The following PARD3B variants were observed in gnomAD, a reference collection of about 807,000 sequenced individuals.
PARD3B encodes par-3 family cell polarity regulator beta.
PARD3B carries 103 observed loss-of-function variants against 130.2 expected under a neutral mutation model. That is an observed-to-expected ratio of 0.79 (90% CI 0.67 to 0.93). The LOEUF (loss-of-function observed/expected upper bound fraction) is 0.93, where lower values mean the gene tolerates loss of function less well. Ranked by LOEUF, PARD3B falls within the 40% of genes least tolerant of loss-of-function variation. PARD3B has a pLI of 0.00. For synonymous variants in PARD3B, 583 were observed against 553.2 expected (o/e 1.05, Z -0.76); for missense variants, 1,609 against 1,499.2 (o/e 1.07, Z -1.21).
chr2:204,801,693 T>C (rs2042576301), intron 2 of PARD3B, among the ~76,000 whole-genome samples: 2 of 152,222 alleles, frequency 1.3e-5, no homozygotes, highest in Admixed American at 1.3e-4. Flanking sequence ...TGAATACCCT[T>C]TATTTCTTTC....
intron 21 of PARD3B, among the ~76,000 whole-genome samples, chr2:205,552,312 G>A (rs2052681906): frequency 8.5e-6 from 1 of 117,682 alleles, no homozygotes; most frequent in Non-Finnish European, 1.8e-5. Context: ...AGGGTGGTCG[G>A]GGGGCATCAT....
At chr2:204,560,566 G>A (rs1276027269) in intron 1 of PARD3B, among the ~76,000 whole-genome samples, 8 of 151,886 alleles carry the variant, frequency 5.3e-5, no homozygotes, top group Non-Finnish European at 1.0e-4. Flanking sequence ...TGGAAGATGG[G>A]GCAGGACATG....
At chr2:205,472,289 A>G (rs971021206) in intron 20 of PARD3B, among the ~76,000 whole-genome samples, 1 of 152,138 alleles carries the variant, frequency 6.6e-6, no homozygotes, top group African/African-American at 2.4e-5. Context: ...TGACACACAC[A>G]TGTGCACACA....
At chr2:204,846,170 A>G (rs1383470698) in intron 2 of PARD3B, among the ~76,000 whole-genome samples, 2 of 152,122 alleles carry the variant, frequency 1.3e-5, no homozygotes, top group Admixed American at 1.3e-4. Flanking sequence ...ACTGTCTAGG[A>G]ATTGGTAATT....
In PARD3B at chr2:205,280,133, CAT is replaced by C. The variant is rs1487038387; in HGVS notation, c.2186-20395_2186-20394del. On this transcript the variant is annotated intron_variant, in intron 16 of 22. Coordinates refer to ENST00000406610, the MANE Select transcript of PARD3B (RefSeq NM_001302769.2). The surrounding 1 kb of genome is among the most constrained non-coding windows in gnomAD (Gnocchi z 4.7). ...AGGAATAGCAGTTGCCATTCTCTGA[CAT>C]AAATAGCTCTCATATAATACCTTTC... Among the ~76,000 whole-genome samples the C allele has an allele frequency of 6.6e-6, 1 of 152,156 alleles. No individual in the cohort carries two copies. The highest frequency in any genetic ancestry group is 1.5e-5 in the Non-Finnish European group (1 of 68,032).
At chr2:205,113,620 C>T (rs1340134849) in intron 6 of PARD3B, 43 bp downstream of exon 6, 1 of 1,207,254 alleles carries the variant, frequency 8.3e-7, no homozygotes, top group Non-Finnish European at 1.2e-6. Context: ...CTAATGAAAA[C>T]CCTGATTTGA....
chr2:204,843,332 A>G (rs2044324757), intron 2 of PARD3B, among the ~76,000 whole-genome samples: 1 of 152,072 alleles, frequency 6.6e-6, no homozygotes, highest in South Asian at 2.1e-4. Flanking sequence ...TGGTATATCT[A>G]TGCTGCATAA....
chr2:205,586,859 A>T (rs1301376348), intron 22 of PARD3B, among the ~76,000 whole-genome samples: 1 of 152,106 alleles, frequency 6.6e-6, no homozygotes, highest in Non-Finnish European at 1.5e-5. Context: ...ACATCCCTGT[A>T]GTTATTTTTT....
At chr2:205,054,354 C>T (rs1173149076) in intron 4 of PARD3B, among the ~76,000 whole-genome samples, 3 of 135,576 alleles carry the variant, frequency 2.2e-5, no homozygotes, top group Non-Finnish European at 4.6e-5. Context: ...AAAGAAGGAT[C>T]ACTATTTAGG....
In PARD3B at chr2:205,011,795, G is replaced by GTT. The variant is rs376303989; in HGVS notation, c.395-35775_395-35774dup. The stretch of plus-strand genomic sequence containing the variant: ...ATTTGACTCTTCCTTAGTTTTCTGG[G>GTT]TTTTTTTTTTTTACAACCATGCATC... On this transcript the variant is annotated intron_variant, in intron 3 of 22. Transcript: ENST00000406610. This position sits in a 1 kb window ranked among gnomAD's most constrained non-coding sequence, Gnocchi z 4.1. Among the ~76,000 whole-genome samples, 1 of 145,386 alleles carries GTT rather than the reference G, an allele frequency of 6.9e-6. No homozygotes were observed. Among genetic ancestry groups the GTT allele is most frequent in the East Asian group, 2.0e-4 (1 of 5,014 alleles).
intron 15 of PARD3B, among the ~76,000 whole-genome samples, chr2:205,197,976 G>A (rs185161463): frequency 2.8e-4 from 42 of 152,288 alleles, no homozygotes; most frequent in African/African-American, 9.4e-4. Flanking sequence ...TACATTCAAA[G>A]ACTTTTTGAT....
chr2:205,125,971 T>G lies in PARD3B; in HGVS notation c.1434+234T>G, dbSNP rs2031344182. Among the ~76,000 whole-genome samples, 1 of 152,152 alleles carries G rather than the reference T, an allele frequency of 6.6e-6. No homozygotes were observed. Among genetic ancestry groups the G allele is most frequent in the African/African-American group, 2.4e-5 (1 of 41,432 alleles). On this transcript the variant is annotated intron_variant, in intron 10 of 22. Transcript: ENST00000406610. The surrounding 1 kb of genome is among the most constrained non-coding windows in gnomAD (Gnocchi z 4.0). The stretch of plus-strand genomic sequence containing the variant: ...GCACAGATTCAAACACCTTTAGCAA[T>G]AAGCAACTATTCAACAGTATGCAAC...
At chr2:205,262,518 A>T (rs1294199313) in intron 16 of PARD3B, among the ~76,000 whole-genome samples, 1 of 152,120 alleles carries the variant, frequency 6.6e-6, no homozygotes, top group Non-Finnish European at 1.5e-5. Context: ...CTTGCCTTTC[A>T]GAGCATATGG....
intron 18 of PARD3B, among the ~76,000 whole-genome samples, chr2:205,398,692 T>C (rs952319040): frequency 1.3e-5 from 2 of 152,174 alleles, no homozygotes; most frequent in Admixed American, 6.5e-5. Context: ...CAATGCCACC[T>C]TCCAGGTGTG....
chr2:204,936,932 T>C (rs1447781751), intron 2 of PARD3B, among the ~76,000 whole-genome samples: 2 of 152,276 alleles, frequency 1.3e-5, no homozygotes, highest in East Asian at 1.9e-4. Context: ...TTTTAAAATG[T>C]GTATTATATA....
At chr2:204,918,412 C>A (rs2047528204) in intron 2 of PARD3B, among the ~76,000 whole-genome samples, 1 of 151,968 alleles carries the variant, frequency 6.6e-6, no homozygotes, top group Non-Finnish European at 1.5e-5. Flanking sequence ...GGGCGGATCA[C>A]GAGGTCAGGA....
intron 2 of PARD3B, among the ~76,000 whole-genome samples, chr2:204,865,125 A>G (rs186447045): frequency 2.6e-5 from 4 of 152,154 alleles, no homozygotes; most frequent in African/African-American, 9.7e-5. Flanking sequence ...AAAAAAATAG[A>G]TGTTGGCATA....
At chr2:205,441,234 G>A (rs2047704619) in intron 20 of PARD3B, among the ~76,000 whole-genome samples, 4 of 152,160 alleles carry the variant, frequency 2.6e-5, no homozygotes, top group Admixed American at 2.6e-4. Flanking sequence ...GTTTGATGAA[G>A]TAGAGAAAGA....
rs947914817 is a variant in PARD3B, at chr2:205,128,346, T to C, written c.1434+2609T>C. Among the ~76,000 whole-genome samples the C allele has an allele frequency of 1.3e-5, 2 of 152,216 alleles. No homozygotes were observed. The highest frequency in any genetic ancestry group is 2.9e-5 in the Non-Finnish European group (2 of 68,030). ...TTTTAACCCCACAGTTAATACCTTC[T>C]TCCTAGAAGCTATGCCCCTCCACCA... On this transcript the variant is annotated intron_variant, in intron 10 of 22. Transcript: ENST00000406610. The surrounding 1 kb of genome is among the most constrained non-coding windows in gnomAD (Gnocchi z 4.5).
Sources: allele counts gnomAD v4.1 joint callset (sites outside exome capture counted in the v4.1 genomes callset), GRCh38; gene constraint gnomAD v4.1.1; non-coding constraint Gnocchi (gnomAD v3.1); transcripts MANE v1.5; gene names NCBI Gene and HGNC (gene_info 2026-07-23, HGNC 2026-07-21).